The following SEC14L6 variants were observed in gnomAD, a reference collection of about 807,000 sequenced individuals.
SEC14L6 encodes the protein SEC14 like lipid binding 6.
In SEC14L6, 40 loss-of-function variants were observed where a neutral mutation model predicts 54.1. The observed-to-expected ratio is 0.74, with a 90% CI of 0.57 to 0.96. The LOEUF (loss-of-function observed/expected upper bound fraction) is 0.96. Among genes scored for constraint, SEC14L6 ranks in the 40% least tolerant of loss-of-function variants. The pLI is 0.00. For missense variants in SEC14L6, 471 were observed against 498.3 expected (o/e 0.95, Z 0.52); for synonymous variants, 171 against 198.4 (o/e 0.86, Z 1.16).
chr22:30,539,095 G>A (rs1387005865), intron 1 of SEC14L6, among the ~76,000 whole-genome samples, 193 bp from the exon 2 acceptor site: 18 of 152,216 alleles, frequency 1.2e-4, no homozygotes, highest in Non-Finnish European at 2.6e-4. Context: ...ACCAACTACA[G>A]GCCAGGCGCG....
intron 1 of SEC14L6, among the ~76,000 whole-genome samples, chr22:30,542,192 C>T (rs2085730474): frequency 6.6e-6 from 1 of 152,176 alleles, no homozygotes; most frequent in Admixed American, 6.5e-5. Flanking sequence ...CACCTCGGCA[C>T]GGCTCTGAAA....
intron 8 of SEC14L6, among the ~76,000 whole-genome samples, chr22:30,526,313 T>G (rs1028181606): frequency 6.6e-6 from 1 of 152,188 alleles, no homozygotes; most frequent in Non-Finnish European, 1.5e-5. Context: ...CCTTAGAGAC[T>G]GAACTCAGCC....
At chr22:30,526,728 CATAA>C (rs375076464) in intron 8 of SEC14L6, among the ~76,000 whole-genome samples, 72 of 152,062 alleles carry the variant, frequency 4.7e-4, no homozygotes, top group Admixed American at 7.9e-4. Flanking sequence ...AACCCCATCT[CATAA>C]ATAAATAAAT....
intron 2 of SEC14L6, among the ~76,000 whole-genome samples, chr22:30,536,483 G>T (rs961821708): frequency 5.9e-5 from 9 of 152,092 alleles, no homozygotes; most frequent in Admixed American, 5.2e-4. Context: ...CTGGGATTCT[G>T]ACATTTATCT....
Position 30,529,142 on chromosome 22 carries a change from G to T in SEC14L6, c.609C>A (p.Asn203Lys). ...CTTCACTCATGTAAGACTTGACCAGGTTGAAGGCTACGGCGAATAGCTTGG... is the reference window on the plus strand; with the variant it reads ...CTTCACTCATGTAAGACTTGACCAGTTTGAAGGCTACGGCGAATAGCTTGG... ...RAPKLFAVAF[N>K]LVKSYMSEET... The change falls in exon 8 of 12, where the codon AAC (asparagine) becomes AAA (lysine). Residue 203 changes from asparagine to lysine, a missense_variant. Physicochemically the swap from Asn to Lys is moderately conservative, Grantham distance 94. Transcript: ENST00000402034. The T allele has an allele frequency of 6.4e-7, 1 of 1,551,224 alleles. No homozygotes were observed. Among genetic ancestry groups the T allele is most frequent in the Non-Finnish European group, 8.7e-7 (1 of 1,147,206 alleles).
intron 2 of SEC14L6, among the ~76,000 whole-genome samples, chr22:30,536,233 TCATCA>T (rs1428596538): frequency 6.6e-6 from 1 of 152,154 alleles, no homozygotes; most frequent in African/African-American, 2.4e-5. Flanking sequence ...CAAAGGCTAT[TCATCA>T]CAGATTAAGT....
rs1001409 is a variant in SEC14L6 at position 30,522,838 on chromosome 22, A to G, written c.*2159T>C. 0.19 allele frequency: 29,461 copies of G among 152,080 alleles called. 3,071 individuals are homozygous for G. Among genetic ancestry groups the G allele is most frequent in the Admixed American group, 0.26 (3,926 of 15,270 alleles). 9.4% of individuals were successfully genotyped at this position (152,080 alleles called of 1,614,324 possible). On this transcript the variant is annotated 3_prime_UTR_variant, in exon 12 of 12. Transcript: ENST00000402034. ...TTATTCATAATCGCCCCCAAACTGG[A>G]AGCGACTCAACCAGCCTTTAACAGG...
At position 30,528,422 on chromosome 22, in the gene SEC14L6, CT is replaced by C. The variant is rs375073961; in HGVS notation, c.664+664del. Among the ~76,000 whole-genome samples, 144 of 105,514 alleles carry C rather than the reference CT, an allele frequency of 1.4e-3. 1 individual carries two copies. The highest frequency in any genetic ancestry group is 3.5e-3 in the South Asian group (11 of 3,130). The allele number at this position is 105,514 out of a possible 152,430, so 69.2% of individuals were successfully genotyped here. Reference sequence around the variant, plus strand: ...AGGCGTGAACCACCGCGCTCGGCCTCTTTTTTTTTTTTTTTTTTTGAGATAG... The same window carrying C: ...AGGCGTGAACCACCGCGCTCGGCCTCTTTTTTTTTTTTTTTTTTGAGATAG... On this transcript the variant is annotated intron_variant, in intron 8 of 11. Transcript: ENST00000402034.
At position 30,525,921 on chromosome 22, in the gene SEC14L6, G is replaced by C; in HGVS notation, c.676C>G (p.Gln226Glu). Residue 226 changes from glutamine to glutamate, a missense_variant, in exon 9 of 12, where the codon CAG becomes GAG. Transcript: ENST00000402034. ...KVVILGDNWK[Q>E]ELTKFISPDQ... Reference sequence around the variant, plus strand: ...GGGCTGATGAATTTTGTCAGCTCCTGCTTCCAGTTGTCTGCATGGGAGCAA... The same window carrying C: ...GGGCTGATGAATTTTGTCAGCTCCTCCTTCCAGTTGTCTGCATGGGAGCAA... 2 of 1,607,404 alleles carry C rather than the reference G, an allele frequency of 1.2e-6. No individual in the cohort carries two copies. Among genetic ancestry groups the C allele is most frequent in the Non-Finnish European group, 1.7e-6 (2 of 1,176,442 alleles).
Position 30,525,099 on chromosome 22 carries a change from C to T in SEC14L6, c.1092G>A (p.Arg364=), listed in dbSNP as rs1936720233. ...TCLQAGSYVL[R]FYNTYSLVHS... ...GAACCAGGCTGTAGGTGTTGTAAAA[C>T]CTCAGGACATCTGCAGTGAGGGACA... Residue 364 remains arginine (R), a synonymous_variant, in exon 12 of 12, where the codon AGG becomes AGA. Transcript: ENST00000402034. 1.3e-6 allele frequency: 2 copies of T among 1,542,080 alleles called. No homozygotes were observed. The highest frequency in any genetic ancestry group is 2.4e-5 in the East Asian group (1 of 40,890).
chr22:30,540,489 G>GTGGATTGCTTGAGCTCAGGAGT (rs2085685027), intron 1 of SEC14L6, among the ~76,000 whole-genome samples: 1 of 151,654 alleles, frequency 6.6e-6, no homozygotes, highest in African/African-American at 2.4e-5. Flanking sequence ...GCCGAGGCAG[G>GTGGATTGCTTGAGCTCAGGAGT]TGGATTGCTT....
chr22:30,533,883 A>G (rs1937062858), intron 3 of SEC14L6, 113 bp downstream of exon 3: 1 of 1,031,020 alleles, frequency 9.7e-7, no homozygotes, highest in Non-Finnish European at 1.4e-6. Flanking sequence ...AGTCTCAATG[A>G]ATGGGTGTTC....
chr22:30,525,338 G>A lies in SEC14L6; in HGVS notation c.1081+12C>T. The A allele has an allele frequency of 3.1e-6, 5 of 1,613,312 alleles. No homozygotes were observed. The highest frequency in any genetic ancestry group is 1.1e-5 in the South Asian group (1 of 90,970). The stretch of plus-strand genomic sequence containing the variant: ...CCCAGCTCCAGGTAGAGCCATCCCT[G>A]CCAACTCTTACAGCTGCCGGCCTGG... On this transcript the variant is annotated intron_variant, in intron 11 of 11. Coordinates refer to ENST00000402034, the MANE Select transcript of SEC14L6 (RefSeq NM_001193336.4).
intron 5 of SEC14L6, 143 bp downstream of exon 5, chr22:30,532,382 G>T (rs1317057152): frequency 1.4e-5 from 18 of 1,325,174 alleles, no homozygotes; most frequent in Non-Finnish European, 1.8e-5. Flanking sequence ...GTGGGTCCTT[G>T]GCCTCTCTGA....
intron 3 of SEC14L6, chr22:30,533,285 C>T (rs1260390649): frequency 7.6e-6 from 2 of 263,214 alleles, no homozygotes; most frequent in Non-Finnish European, 1.2e-5. Flanking sequence ...CTCTCCAACA[C>T]GATCTCCGTG....
chr22:30,544,088 G>C lies in SEC14L6; in HGVS notation c.54+2541C>G, dbSNP rs531642985. On this transcript the variant is annotated intron_variant, in intron 1 of 11. Transcript: ENST00000402034. The stretch of plus-strand genomic sequence containing the variant: ...ATCCAGGTCCCGAGGAAGTGAATGG[G>C]ACCGTGGTTTGCTCTAGCACCCATC... 4.1e-5 allele frequency: 60 copies of C among 1,478,420 alleles called. No individual in the cohort carries two copies. In the East Asian group the frequency reaches 1.4e-3, roughly 34 times the overall value. 91.6% of individuals were successfully genotyped at this position (1,478,420 alleles called of 1,614,324 possible).
At position 30,541,704 on chromosome 22, in the gene SEC14L6, G is replaced by T. The variant is rs117462236; in HGVS notation, c.55-2802C>A. Among the ~76,000 whole-genome samples the T allele has an allele frequency of 2.6e-5, 4 of 151,772 alleles. No individual in the cohort carries two copies. The East Asian group carries it at 7.7e-4, about 29-fold the overall frequency. ...TAAAAATTAGCTGGGTGTGGTGTGC[G>T]TGCCTGTAGTCCCAGCTACTCAGGA... On this transcript the variant is annotated intron_variant, in intron 1 of 11. Coordinates refer to ENST00000402034, the MANE Select transcript of SEC14L6 (RefSeq NM_001193336.4).
intron 6 of SEC14L6, among the ~76,000 whole-genome samples, chr22:30,530,458 T>C (rs1047356394): frequency 5.9e-5 from 9 of 152,174 alleles, no homozygotes; most frequent in African/African-American, 2.2e-4. Context: ...TGGAGTGCAG[T>C]GGCGCGATCT....
intron 8 of SEC14L6, among the ~76,000 whole-genome samples, chr22:30,526,489 C>T (rs1284922974): frequency 6.6e-6 from 1 of 152,188 alleles, no homozygotes; most frequent in East Asian, 1.9e-4. Flanking sequence ...GGTGGACACC[C>T]AGTACCCTCG....
Sources: allele counts gnomAD v4.1 joint callset (sites outside exome capture counted in the v4.1 genomes callset), GRCh38; gene constraint gnomAD v4.1.1; transcripts MANE v1.5; gene names NCBI Gene and HGNC (gene_info 2026-07-23, HGNC 2026-07-21).